FSTL4: variants seen among roughly 807,000 people sequenced by gnomAD.
FSTL4 encodes follistatin-related protein 4.
In FSTL4, 28 loss-of-function variants were observed where a neutral mutation model predicts 78.2. That is an observed-to-expected ratio of 0.36 (90% CI 0.27 to 0.49). The LOEUF is 0.49. Ranked by LOEUF, FSTL4 falls within the 20% of genes least tolerant of loss-of-function variation. The pLI, the probability that FSTL4 is intolerant of heterozygous loss-of-function variation, is 0.98. For synonymous variants in FSTL4, 422 were observed against 440.5 expected (o/e 0.96, Z 0.53); for missense variants, 922 against 1,084.9 (o/e 0.85, Z 2.11).
chr5:133,323,462 A>G (rs926045965), intron 4 of FSTL4, among the ~76,000 whole-genome samples: 1 of 152,228 alleles, frequency 6.6e-6, no homozygotes, highest in African/African-American at 2.4e-5. Flanking sequence ...CAGGTTGGCA[A>G]CTAAATCAGT....
intron 6 of FSTL4, among the ~76,000 whole-genome samples, chr5:133,249,840 G>A (rs551964210): frequency 6.6e-6 from 1 of 152,236 alleles, no homozygotes; most frequent in Non-Finnish European, 1.5e-5. Context: ...GACAATCTGG[G>A]CCATAGATTT....
At chr5:133,436,816 TA>T (rs1284437931) in intron 3 of FSTL4, among the ~76,000 whole-genome samples, 3 of 151,888 alleles carry the variant, frequency 2.0e-5, no homozygotes, top group African/African-American at 7.3e-5. Context: ...ATCACTCTGG[TA>T]TTTGGGTGGA....
chr5:133,675,133 C>G, the FSTL4 span, among the ~76,000 whole-genome samples: 10 of 151,940 alleles, frequency 6.6e-5, no homozygotes, highest in African/African-American at 2.4e-4. Flanking sequence ...AAGGCCTCTC[C>G]GAGAAAATGG....
chr5:133,668,786 G>A, the FSTL4 span, among the ~76,000 whole-genome samples: 8,718 of 152,236 alleles, frequency 0.057, 311 homozygotes, highest in South Asian at 0.11. Context: ...TTTCGGGTGT[G>A]AGATCAGACG....
At chr5:133,609,310 T>C (rs937631099) in intron 1 of FSTL4, among the ~76,000 whole-genome samples, 1 of 152,150 alleles carries the variant, frequency 6.6e-6, no homozygotes, top group Non-Finnish European at 1.5e-5. Flanking sequence ...ATTTCATACA[T>C]GGCATGTTGG....
At chr5:133,444,429 A>G (rs1020854248) in intron 3 of FSTL4, among the ~76,000 whole-genome samples, 4 of 152,142 alleles carry the variant, frequency 2.6e-5, no homozygotes, top group African/African-American at 9.7e-5. Flanking sequence ...TGGGGACCAT[A>G]CTGGCCCTCT....
Position 133,222,956 on chromosome 5 carries a change from T to C in FSTL4, c.1339+1234A>G, listed in dbSNP as rs373770353. 9.8e-5 allele frequency among the ~76,000 whole-genome samples: 15 copies of C among 152,350 alleles called. No homozygotes were observed. In the East Asian group the frequency reaches 1.4e-3, roughly 14 times the overall value. On this transcript the variant is annotated intron_variant, in intron 11 of 15. Coordinates refer to ENST00000265342, the MANE Select transcript of FSTL4 (RefSeq NM_015082.2). ...AGTATTGAATTTGTTCACTGCTCAA[T>C]TGTTCAATATACCTACCAACCCTAT...
At chr5:133,834,307 T>C in the FSTL4 span, among the ~76,000 whole-genome samples, 2 of 152,024 alleles carry the variant, frequency 1.3e-5, no homozygotes, top group East Asian at 3.9e-4. Flanking sequence ...CTACATCTAC[T>C]GTTTTTTTCA....
chr5:133,674,120 T>C, the FSTL4 span, among the ~76,000 whole-genome samples: 1 of 152,120 alleles, frequency 6.6e-6, no homozygotes. Flanking sequence ...GGTCACTACG[T>C]TGTGAGAGGA....
At chr5:133,306,637 T>C (rs1270076242) in intron 6 of FSTL4, among the ~76,000 whole-genome samples, 2 of 152,178 alleles carry the variant, frequency 1.3e-5, no homozygotes, top group Non-Finnish European at 2.9e-5. Context: ...CCTCTGCCCC[T>C]GTTTTCTCAA....
rs1265414421 is a variant in FSTL4, at chr5:133,198,937, A to C, written c.*158T>G. ...AAAACCCCAATCTTGGTAGCAGCGC[A>C]TACCTTATACTAGGAAACTTGCAAG... On this transcript the variant is annotated 3_prime_UTR_variant, in exon 16 of 16. Transcript: ENST00000265342. 5 of 521,638 alleles carry C rather than the reference A, an allele frequency of 9.6e-6. No homozygotes were observed. Among genetic ancestry groups the C allele is most frequent in the Non-Finnish European group, 1.7e-5 (5 of 295,054 alleles). The allele number at this position is 521,638 out of a possible 1,614,324, so 32.3% of individuals were successfully genotyped here. A position where few individuals can be genotyped will look rare whatever the true frequency, so the allele number is the denominator to read the frequency against.
chr5:133,812,742 C>A, the FSTL4 span, among the ~76,000 whole-genome samples: 1 of 152,234 alleles, frequency 6.6e-6, no homozygotes. Flanking sequence ...TGTTTATTGT[C>A]TGCCTCCACT....
At chr5:133,419,558 A>G (rs1037292406) in intron 3 of FSTL4, among the ~76,000 whole-genome samples, 1 of 152,274 alleles carries the variant, frequency 6.6e-6, no homozygotes, top group African/African-American at 2.4e-5. Flanking sequence ...ACATCTATGT[A>G]CAAGTATTTT....
At chr5:133,263,869 A>C (rs116611051) in intron 6 of FSTL4, among the ~76,000 whole-genome samples, 1 of 152,096 alleles carries the variant, frequency 6.6e-6, no homozygotes, top group African/African-American at 2.4e-5. Flanking sequence ...ACGGAGCCTG[A>C]GTGGGGGCCC....
At chr5:133,492,840 A>G (rs537798472) in intron 3 of FSTL4, among the ~76,000 whole-genome samples, 31 of 152,034 alleles carry the variant, frequency 2.0e-4, no homozygotes, top group Non-Finnish European at 3.8e-4. Context: ...TCTTTTAACA[A>G]TATTTCTTAA....
the FSTL4 span, among the ~76,000 whole-genome samples, chr5:133,708,729 G>A: frequency 6.6e-6 from 1 of 152,210 alleles, no homozygotes; most frequent in Non-Finnish European, 1.5e-5. Context: ...TTAAAAATTT[G>A]AGAACCAACC....
At chr5:133,418,060 G>T (rs1756615012) in intron 3 of FSTL4, among the ~76,000 whole-genome samples, 1 of 134,228 alleles carries the variant, frequency 7.5e-6, no homozygotes, top group African/African-American at 2.8e-5. Context: ...CAAGAATAAA[G>T]AAAAAGGAAA....
the FSTL4 span, among the ~76,000 whole-genome samples, chr5:133,752,900 C>A: frequency 6.6e-6 from 1 of 152,114 alleles, no homozygotes; most frequent in Non-Finnish European, 1.5e-5. Flanking sequence ...TTTTCTTGCG[C>A]TCTGAGCCCC....
the FSTL4 span, among the ~76,000 whole-genome samples, chr5:133,631,989 G>T: frequency 6.6e-6 from 1 of 152,012 alleles, no homozygotes; most frequent in Non-Finnish European, 1.5e-5. Context: ...CACACACCGG[G>T]GTCTGTTGTG....
Sources: gnomAD v4.1 joint callset for allele counts (sites outside exome capture counted in the v4.1 genomes callset) on GRCh38, gnomAD v4.1.1 for gene constraint, MANE v1.5 for transcripts, NCBI Gene and HGNC (gene_info 2026-07-23, HGNC 2026-07-21) for gene names.